Variants in LYRM4 observed in about 807,000 individuals in gnomAD.
LYRM4 encodes the protein LYR motif containing 4.
In LYRM4, 9 loss-of-function variants were observed where a neutral mutation model predicts 11.7. The ratio of observed to expected loss-of-function variants is 0.77; its 90% CI spans 0.46 to 1.34. LYRM4 has a LOEUF of 1.34. Among genes scored for constraint, LYRM4 ranks in the 40% most tolerant of loss-of-function variants. The pLI is 0.00. For synonymous variants in LYRM4, 42 were observed against 40.4 expected, an observed-to-expected ratio of 1.04 and a Z score of -0.15; for missense variants, 133 against 112.5, an observed-to-expected ratio of 1.18 and a Z score of -0.82.
the LYRM4 span, chr6:5,085,394 G>A: frequency 1.1e-6 from 1 of 929,774 alleles, no homozygotes; most frequent in Non-Finnish European, 1.6e-6. Flanking sequence ...AGCCTGAACT[G>A]CAGCCCTGCG....
intron 2 of LYRM4, among the ~76,000 whole-genome samples, chr6:5,152,842 C>T (rs974367713): frequency 5.3e-5 from 8 of 152,226 alleles, no homozygotes; most frequent in African/African-American, 1.7e-4. Flanking sequence ...CAGACGGCAA[C>T]TCTTTACCCA....
chr6:5,182,584 T>G (rs429031), intron 2 of LYRM4, among the ~76,000 whole-genome samples: 7 of 152,044 alleles, frequency 4.6e-5, no homozygotes, highest in Non-Finnish European at 8.8e-5. Flanking sequence ...AATACTTTAG[T>G]TGTATATCAT....
At chr6:5,084,521 G>C in the LYRM4 span, 1 of 151,960 alleles carries the variant, frequency 6.6e-6, no homozygotes, top group African/African-American at 2.4e-5. Flanking sequence ...GCGCGGACTC[G>C]CGGGCGCGTC....
intron 2 of LYRM4, among the ~76,000 whole-genome samples, chr6:5,142,363 T>G (rs890414536): frequency 1.3e-5 from 2 of 152,190 alleles, no homozygotes; most frequent in African/African-American, 4.8e-5. Context: ...ACAACTAGCA[T>G]CAACCTCCAG....
intron 2 of LYRM4, among the ~76,000 whole-genome samples, chr6:5,197,474 C>G (rs1261725236): frequency 6.6e-6 from 1 of 151,976 alleles, no homozygotes; most frequent in Non-Finnish European, 1.5e-5. Flanking sequence ...GAGTTCAAGA[C>G]CAGCCTGGCC....
At chr6:5,231,342 G>C (rs1182989900) in intron 1 of LYRM4, among the ~76,000 whole-genome samples, 1 of 152,226 alleles carries the variant, frequency 6.6e-6, no homozygotes. Flanking sequence ...GGAGGCTATA[G>C]AGCATAGTCA....
In LYRM4 at chr6:5,256,042, A is replaced by G. The variant is rs188567183; in HGVS notation, c.86+4606T>C. ...CACAGTGGTGCCGACTACAGCCCCC[A>G]TTAACAAAGAATTAGCTGGCCCAAA... On this transcript the variant is annotated intron_variant, in intron 1 of 2. Coordinates refer to ENST00000330636, the MANE Select transcript of LYRM4 (RefSeq NM_020408.6). Among the ~76,000 whole-genome samples the G allele has an allele frequency of 4.4e-3, 672 of 152,062 alleles. 2 individuals carry two copies. Among genetic ancestry groups the G allele is most frequent in the African/African-American group, 0.015 (635 of 41,498 alleles).
At chr6:5,212,168 C>T (rs1200949905) in intron 2 of LYRM4, among the ~76,000 whole-genome samples, 3 of 152,102 alleles carry the variant, frequency 2.0e-5, no homozygotes, top group Non-Finnish European at 4.4e-5. Flanking sequence ...AATAGTGACA[C>T]AAAACAAGGT....
At chr6:5,075,532 G>A in the LYRM4 span, among the ~76,000 whole-genome samples, 1 of 152,220 alleles carries the variant, frequency 6.6e-6, no homozygotes, top group Non-Finnish European at 1.5e-5. Context: ...CCAGAGGACT[G>A]CAGGTGGGTC....
chr6:5,246,164 A>G (rs1039786258), intron 1 of LYRM4, among the ~76,000 whole-genome samples: 3 of 152,226 alleles, frequency 2.0e-5, no homozygotes, highest in African/African-American at 4.8e-5. Context: ...TGTGTTCCAA[A>G]CATAGGAAAC....
At chr6:5,113,623 A>G (rs988880145) in intron 2 of LYRM4, among the ~76,000 whole-genome samples, 4 of 152,192 alleles carry the variant, frequency 2.6e-5, no homozygotes, top group Admixed American at 2.0e-4. Flanking sequence ...AAATCAATCC[A>G]TATAGACACA....
At chr6:5,179,299 G>A (rs1759934971) in intron 2 of LYRM4, among the ~76,000 whole-genome samples, 1 of 151,980 alleles carries the variant, frequency 6.6e-6, no homozygotes, top group South Asian at 2.1e-4. Flanking sequence ...TAATTTCAGT[G>A]GCATGAAGTA....
intron 2 of LYRM4, among the ~76,000 whole-genome samples, chr6:5,195,479 C>T (rs1268250319): frequency 2.0e-5 from 3 of 151,918 alleles, no homozygotes; most frequent in African/African-American, 7.3e-5. Context: ...AAAAAAACCC[C>T]GACAATTAGC....
chr6:5,246,046 A>T (rs563695315), intron 1 of LYRM4, among the ~76,000 whole-genome samples: 1 of 152,314 alleles, frequency 6.6e-6, no homozygotes, highest in South Asian at 2.1e-4. Flanking sequence ...TAAAAAATTA[A>T]AAAAAGGGAG....
chr6:5,250,637 T>C (rs1764384326), intron 1 of LYRM4, among the ~76,000 whole-genome samples: 1 of 152,198 alleles, frequency 6.6e-6, no homozygotes, highest in Admixed American at 6.5e-5. Context: ...CTGTGGAGCA[T>C]TGTTGAAGAG....
At chr6:5,040,882 G>GAA in the LYRM4 span, among the ~76,000 whole-genome samples, 1,159 of 150,090 alleles carry the variant, frequency 7.7e-3, 16 homozygotes, top group African/African-American at 0.026. Context: ...TGGGGAAACA[G>GAA]AAAAAAAAAA....
chr6:5,245,186 A>G (rs1764140839), intron 1 of LYRM4, among the ~76,000 whole-genome samples: 1 of 130,186 alleles, frequency 7.7e-6, no homozygotes. Flanking sequence ...TTTCTGGAAC[A>G]AAAAAGATCA....
chr6:5,252,389 T>G (rs918811889), intron 1 of LYRM4, among the ~76,000 whole-genome samples: 1 of 152,194 alleles, frequency 6.6e-6, no homozygotes, highest in African/African-American at 2.4e-5. Context: ...ATTTCGTTAC[T>G]TACTGGGGAT....
chr6:5,222,979 A>C (rs1348121904), intron 1 of LYRM4, among the ~76,000 whole-genome samples: 1 of 152,222 alleles, frequency 6.6e-6, no homozygotes, highest in South Asian at 2.1e-4. Context: ...ACTGAACTGC[A>C]TGGGTAATTA....
Sources: allele counts gnomAD v4.1 joint callset (sites outside exome capture counted in the v4.1 genomes callset), GRCh38; gene constraint gnomAD v4.1.1; transcripts MANE v1.5; gene names NCBI Gene and HGNC (gene_info 2026-07-23, HGNC 2026-07-21).